Variants in LRRC27 observed in about 807,000 individuals in gnomAD.
LRRC27 encodes leucine-rich repeat-containing protein 27.
Under a neutral mutation model 55.0 loss-of-function variants are expected in LRRC27, and 57 were observed. The observed-to-expected ratio is 1.04, with a 90% CI of 0.84 to 1.29. The LOEUF (loss-of-function observed/expected upper bound fraction) is 1.29. LRRC27 is among the 50% of genes most tolerant of loss of function. The probability of loss-of-function intolerance (pLI) is 0.00; values close to 1 mark genes in which losing one functional copy is unlikely to be tolerated. For synonymous variants in LRRC27, 278 were observed against 251.9 expected, an observed-to-expected ratio of 1.10 and a Z score of -0.98; for missense variants, 721 against 651.5, an observed-to-expected ratio of 1.11 and a Z score of -1.16.
chr10:132,366,736 C>T (rs879902897), intron 10 of LRRC27: 1 of 833,742 alleles, frequency 1.2e-6, no homozygotes, highest in African/African-American at 1.8e-5. Context: ...GGGGCTGCCC[C>T]CAGAGCACGC....
At chr10:132,364,530 C>T (rs1425702690) in intron 9 of LRRC27, among the ~76,000 whole-genome samples, 2 of 106,430 alleles carry the variant, frequency 1.9e-5, no homozygotes, top group East Asian at 2.9e-4. Context: ...CACTTACACC[C>T]ACACTTAAAT....
At position 132,336,481 on chromosome 10, in the gene LRRC27, C is replaced by G. The variant is rs150389761; in HGVS notation, c.211-1084C>G. On this transcript the variant is annotated intron_variant, in intron 2 of 10. Coordinates refer to ENST00000368614, the MANE Select transcript of LRRC27 (RefSeq NM_030626.3). ...AGTGTGATTTTTCCAGTCAGTGTTT[C>G]TCCAGTTGGAATCTGTCAGTGATTT... Among the ~76,000 whole-genome samples the G allele has an allele frequency of 3.3e-3, 501 of 152,340 alleles. 3 individuals are homozygous for G. The highest frequency in any genetic ancestry group is 0.011 in the African/African-American group (474 of 41,574).
rs779835854 is a variant in LRRC27 at position 132,351,706 on chromosome 10, G to A, written c.1026G>A (p.Ala342=). 3.9e-5 allele frequency: 63 copies of A among 1,613,508 alleles called. No individual in the cohort carries two copies. The highest frequency in any genetic ancestry group is 8.3e-5 in the Admixed American group (5 of 59,978). The change falls in exon 7 of 11, where the codon GCG becomes GCA. Residue 342 remains alanine (A), a synonymous_variant. Transcript: ENST00000368614. ...GACTGGAAGAGAGCCGAGCGGCGGC[G>A]CTCCGAGAGCTCCAGGAGAAGCAGG... The part of the protein sequence containing the change: ...AKRLEESRAA[A]LRELQEKQAL...
intron 5 of LRRC27, 124 bp downstream of exon 5, chr10:132,344,774 C>T: frequency 9.7e-7 from 1 of 1,033,642 alleles, no homozygotes; most frequent in Non-Finnish European, 1.4e-6. Flanking sequence ...GGGTCCTCTG[C>T]TGAGTTGACA....
intron 10 of LRRC27, among the ~76,000 whole-genome samples, chr10:132,371,036 G>A (rs1394687121): frequency 1.3e-5 from 2 of 152,262 alleles, no homozygotes; most frequent in Non-Finnish European, 2.9e-5. Flanking sequence ...AGGCGGGCAC[G>A]CATGTGCGTG....
At chr10:132,336,937 C>T in intron 2 of LRRC27, 1 of 625,858 alleles carries the variant, frequency 1.6e-6, no homozygotes, top group Admixed American at 3.5e-5. Context: ...TTTTACACAG[C>T]TAAAATCAGC....
At chr10:132,334,795 A>T (rs1284396424) in intron 2 of LRRC27, among the ~76,000 whole-genome samples, 3 of 152,200 alleles carry the variant, frequency 2.0e-5, no homozygotes, top group Admixed American at 6.5e-5. Flanking sequence ...CAGAGCCCTG[A>T]GGTTTCTGTT....
chr10:132,337,455 A>G (rs527856677), intron 2 of LRRC27, 110 bp from the exon 3 acceptor site: 45 of 1,492,626 alleles, frequency 3.0e-5, no homozygotes, highest in Non-Finnish European at 3.7e-5. Context: ...TTAACTTAGT[A>G]TATACGGTTC....
Position 132,346,776 on chromosome 10 carries a change from G to A in LRRC27, c.554-1208G>A, listed in dbSNP as rs148669574. The stretch of plus-strand genomic sequence containing the variant: ...CTGGCCCTAAATCAGTTGTCCACAG[G>A]CAGATTGGTCAAATATGCATGTTTC... On this transcript the variant is annotated intron_variant, in intron 5 of 10. Transcript: ENST00000368614. Among the ~76,000 whole-genome samples the A allele has an allele frequency of 2.1e-3, 317 of 152,316 alleles. 1 individual carries two copies. The highest frequency in any genetic ancestry group is 7.2e-3 in the African/African-American group (298 of 41,566).
chr10:132,368,572 C>T (rs2069148831), intron 10 of LRRC27, among the ~76,000 whole-genome samples: 1 of 152,210 alleles, frequency 6.6e-6, no homozygotes, highest in African/African-American at 2.4e-5. Flanking sequence ...AAAGCGTAGT[C>T]TTCAACAGAT....
At chr10:132,365,818 C>T (rs559789309) in intron 10 of LRRC27, among the ~76,000 whole-genome samples, 2 of 152,290 alleles carry the variant, frequency 1.3e-5, no homozygotes, top group South Asian at 2.1e-4. Flanking sequence ...AGCCTTGTCT[C>T]GAACTCCTGG....
chr10:132,344,841 A>G (rs1232030132), intron 5 of LRRC27, 191 bp downstream of exon 5: 13 of 528,680 alleles, frequency 2.5e-5, no homozygotes, highest in South Asian at 3.4e-5. Context: ...CCTTGGTTCT[A>G]TAAATCTGGG....
upstream of LRRC27, chr10:132,331,850 G>A (rs754155712): frequency 5.6e-6 from 8 of 1,440,798 alleles, no homozygotes; most frequent in South Asian, 5.0e-5. Flanking sequence ...AAAAACGGAT[G>A]CTACCGTTGG....
At position 132,361,471 on chromosome 10, in the gene LRRC27, T is replaced by TCCCTCTGCCACAGATC. The variant is rs754657519; in HGVS notation, c.1186_1201dup (p.Leu401ProfsTer9). 3.1e-6 allele frequency: 5 copies of TCCCTCTGCCACAGATC among 1,612,992 alleles called. No individual in the cohort carries two copies. Among genetic ancestry groups the TCCCTCTGCCACAGATC allele is most frequent in the Non-Finnish European group, 4.2e-6 (5 of 1,179,152 alleles). On this transcript the variant is annotated frameshift_variant, in exon 9 of 11. Coordinates refer to ENST00000368614, the MANE Select transcript of LRRC27 (RefSeq NM_030626.3). LOFTEE classifies it high-confidence loss of function. ...CATTTTCCTAGGTGGCATCAAAGAT[T>TCCCTCTGCCACAGATC]CCCTCTGCCACAGATCTGATAGATA... is the stretch of plus-strand genomic sequence containing the variant.
At chr10:132,360,879 C>T (rs368103145) in intron 8 of LRRC27, among the ~76,000 whole-genome samples, 2 of 152,330 alleles carry the variant, frequency 1.3e-5, no homozygotes, top group South Asian at 2.1e-4. Flanking sequence ...TGCAGGCACC[C>T]GCACAGGCCC....
At chr10:132,361,325 C>A in intron 8 of LRRC27, 132 bp from the exon 9 acceptor site, 1 of 751,736 alleles carries the variant, frequency 1.3e-6, no homozygotes, top group Non-Finnish European at 2.4e-6. Context: ...TGCACAGGGA[C>A]CGTCTACCCG....
chr10:132,377,509 T>C lies in LRRC27; in HGVS notation c.*2267T>C, dbSNP rs935911526. 6.6e-6 allele frequency: 1 copy of C among 152,208 alleles called. No homozygotes were observed. Among genetic ancestry groups the C allele is most frequent in the African/African-American group, 2.4e-5 (1 of 41,428 alleles). 9.4% of individuals were successfully genotyped at this position (152,208 alleles called of 1,614,324 possible). ...TCTGCCAGTTCCCTGCCATTGATGC[T>C]GTTGCTCTCGTCCGCCTCCCTTCCA... On this transcript the variant is annotated 3_prime_UTR_variant, in exon 11 of 11. Coordinates refer to ENST00000368614, the MANE Select transcript of LRRC27 (RefSeq NM_030626.3).
chr10:132,349,499 G>A (rs141613404), intron 6 of LRRC27, among the ~76,000 whole-genome samples: 4 of 152,306 alleles, frequency 2.6e-5, no homozygotes, highest in African/African-American at 9.6e-5. Context: ...CAGCACGCTT[G>A]TGGTGTTCTT....
upstream of LRRC27, chr10:132,331,546 G>A (rs887020744): frequency 1.1e-5 from 17 of 1,612,836 alleles, no homozygotes; most frequent in African/African-American, 1.1e-4. Context: ...AAGATTTGGG[G>A]ACAAGCAGCT....
Sources: allele counts gnomAD v4.1 joint callset (sites outside exome capture counted in the v4.1 genomes callset), GRCh38; gene constraint gnomAD v4.1.1; transcripts MANE v1.5; gene names NCBI Gene and HGNC (gene_info 2026-07-23, HGNC 2026-07-21).